ANKRD54: variants seen among roughly 807,000 people sequenced by gnomAD.
The protein encoded by ANKRD54 is ankyrin repeat domain-containing protein 54.
Under a neutral mutation model 36.2 loss-of-function variants are expected in ANKRD54, and 26 were observed. The observed-to-expected ratio is 0.72, with a 90% CI of 0.53 to 1.00. The LOEUF (loss-of-function observed/expected upper bound fraction) is 1.00, where lower values mean the gene tolerates loss of function less well. ANKRD54 is among the 50% of genes least tolerant of loss of function. The pLI is 0.00. For synonymous variants in ANKRD54, 209 were observed against 188.4 expected (o/e 1.11, Z -0.89); for missense variants, 384 against 424.3 (o/e 0.91, Z 0.83).
In ANKRD54 at chr22:37,844,004, G is replaced by C. The variant is rs1174431117; in HGVS notation, c.235C>G (p.Arg79Gly). ...GGTATCTTGCAGCGCAGCTCGTCGC[G>C]CGGCTCCGCATCCTGCTGCCACAGG... ...HVLWQQDAEP[R>G]DELRCKIPAG... Residue 79 changes from arginine to glycine, a missense_variant, in exon 1 of 8, where the codon CGC becomes GGC. Arg to Gly is a moderately radical substitution (Grantham distance 125, BLOSUM62 -2). Transcript: ENST00000215941. 2.1e-6 allele frequency: 3 copies of C among 1,425,556 alleles called. No individual in the cohort carries two copies. The South Asian group carries it at 4.2e-5, about 20-fold the overall frequency. 88.3% of individuals were successfully genotyped at this position (1,425,556 alleles called of 1,614,324 possible).
intron 1 of ANKRD54, among the ~76,000 whole-genome samples, chr22:37,842,879 A>G (rs1924452300): frequency 6.6e-6 from 1 of 152,250 alleles, no homozygotes; most frequent in African/African-American, 2.4e-5. Context: ...TAGATATACC[A>G]GAGGAGAAGT....
chr22:37,838,388 AT>A (rs1923801566), intron 3 of ANKRD54, 111 bp downstream of exon 3: 1 of 1,051,288 alleles, frequency 9.5e-7, no homozygotes. Flanking sequence ...TCTTCCTTAT[AT>A]CCAGAACAAC....
chr22:37,844,319 G>A lies in ANKRD54; in HGVS notation c.-81C>T. On this transcript the variant is annotated 5_prime_UTR_variant, in exon 1 of 8. In the 5' UTR this introduces an upstream ATG that the reference lacks. Coordinates refer to ENST00000215941, the MANE Select transcript of ANKRD54 (RefSeq NM_138797.4). The stretch of plus-strand genomic sequence containing the variant: ...GACCTACTTCCCTCCGCCCTGAGTC[G>A]TGCTGTCAGCGAGCTGGCGGGCGGG... 1 of 1,446,660 alleles carries A rather than the reference G, an allele frequency of 6.9e-7. No homozygotes were observed. The highest frequency in any genetic ancestry group is 9.2e-7 in the Non-Finnish European group (1 of 1,088,984). 89.6% of individuals were successfully genotyped at this position (1,446,660 alleles called of 1,614,324 possible).
rs774823983 is a variant in ANKRD54 at position 37,833,715 on chromosome 22, T to G, written c.516A>C (p.Arg172=). 68 of 1,614,050 alleles carry G rather than the reference T, an allele frequency of 4.2e-5. No homozygotes were observed. The Admixed American group carries it at 1.1e-3, about 27-fold the overall frequency. Reference sequence around the variant, plus strand: ...GCAGTGGCGTGTTCCCCAGCCCATCTCGCTGGTTAGGATCAGCACCATGGT... The same window carrying G: ...GCAGTGGCGTGTTCCCCAGCCCATCGCGCTGGTTAGGATCAGCACCATGGT... ...LLDHGADPNQ[R]DGLGNTPLHL... is the part of the protein sequence containing the mutation. The change falls in exon 4 of 8, where the codon CGA becomes CGC. Residue 172 remains arginine, a synonymous_variant. Coordinates refer to ENST00000215941, the MANE Select transcript of ANKRD54 (RefSeq NM_138797.4).
In ANKRD54 at chr22:37,832,657, T is replaced by C. The variant is rs1923031907; in HGVS notation, c.808A>G (p.Met270Val). ...CTCACCTGCTCTTTGGTACTGGTCA[T>C]CTGCAGGCGGGTGCAGAGGTCATCC... ...RLDDLCTRLQ[M>V]TSTKEQVDEV... The change falls in exon 7 of 8, where the codon ATG becomes GTG. Residue 270 changes from methionine (M) to valine (V), a missense_variant. Coordinates refer to ENST00000215941, the MANE Select transcript of ANKRD54 (RefSeq NM_138797.4). The C allele has an allele frequency of 1.9e-6, 3 of 1,614,112 alleles. No individual in the cohort carries two copies. Among genetic ancestry groups the C allele is most frequent in the South Asian group, 2.2e-5 (2 of 91,082 alleles).
At chr22:37,833,121 G>C in intron 5 of ANKRD54, 38 bp downstream of exon 5, 3 of 1,614,050 alleles carry the variant, frequency 1.9e-6, no homozygotes, top group Non-Finnish European at 2.5e-6. Context: ...TGGGGGTGAG[G>C]GGGAGAAAGA....
chr22:37,841,877 AAATAAATAAATAAAT>A (rs147106763), intron 1 of ANKRD54, among the ~76,000 whole-genome samples: 87,135 of 141,504 alleles, frequency 0.62, 26,156 homozygotes, highest in East Asian at 0.85. Flanking sequence ...ATAAATAAAT[AAATAAATAAATAAAT>A]AAATAAAATA....
chr22:37,841,570 C>T (rs1183044219), intron 1 of ANKRD54, among the ~76,000 whole-genome samples: 1 of 150,708 alleles, frequency 6.6e-6, no homozygotes, highest in Non-Finnish European at 1.5e-5. Flanking sequence ...AAAACATAGG[C>T]CGGGCACAGT....
upstream of ANKRD54, among the ~76,000 whole-genome samples, chr22:37,846,638 T>A (rs1377449321): frequency 6.6e-6 from 1 of 152,080 alleles, no homozygotes; most frequent in Admixed American, 6.6e-5. Flanking sequence ...TCTCACTATA[T>A]TGCCCAGGCT....
intron 2 of ANKRD54, 44 bp from the exon 3 acceptor site, chr22:37,838,642 A>T (rs370560557): frequency 9.5e-5 from 149 of 1,570,778 alleles, no homozygotes; most frequent in Non-Finnish European, 1.6e-5. Context: ...GAAAGCGGCG[A>T]TGTTAGCTAA....
intron 1 of ANKRD54, among the ~76,000 whole-genome samples, chr22:37,841,117 C>G (rs573633773): frequency 6.7e-6 from 1 of 149,282 alleles, no homozygotes; most frequent in African/African-American, 2.5e-5. Context: ...AATGGCTGGG[C>G]GCAGTGGCTC....
At chr22:37,839,163 C>T (rs1173135923) in intron 2 of ANKRD54, among the ~76,000 whole-genome samples, 5 of 152,044 alleles carry the variant, frequency 3.3e-5, no homozygotes. Context: ...GCGTGAGCCA[C>T]CACACCCGGC....
At chr22:37,843,310 C>T (rs902110284) in intron 1 of ANKRD54, among the ~76,000 whole-genome samples, 2 of 152,128 alleles carry the variant, frequency 1.3e-5, no homozygotes, top group African/African-American at 4.8e-5. Context: ...GTAACCCCAG[C>T]TACTCGGGAG....
Position 37,831,580 on chromosome 22 carries a change from C to T in ANKRD54, c.*363G>A, listed in dbSNP as rs550373063. 7.3e-5 allele frequency: 18 copies of T among 247,516 alleles called. No individual in the cohort carries two copies. The highest frequency in any genetic ancestry group is 4.3e-4 in the Admixed American group (9 of 20,970). The allele number at this position is 247,516 out of a possible 1,614,324, so 15.3% of individuals were successfully genotyped here. On this transcript the variant is annotated 3_prime_UTR_variant, in exon 8 of 8. Transcript: ENST00000215941. ...GACTGCAACAAGCCCATGGCCAGGA[C>T]GGAACACAGAGAAGGGTCTGAGGCC... is the stretch of plus-strand genomic sequence containing the variant.
upstream of ANKRD54, among the ~76,000 whole-genome samples, chr22:37,846,074 C>A (rs1924826884): frequency 6.6e-6 from 1 of 151,690 alleles, no homozygotes; most frequent in Admixed American, 6.6e-5. Flanking sequence ...ACTCAGGAGG[C>A]TGAGGCAGGA....
At chr22:37,832,285 A>G (rs1922981274) in intron 7 of ANKRD54, among the ~76,000 whole-genome samples, 1 of 151,352 alleles carries the variant, frequency 6.6e-6, no homozygotes, top group South Asian at 2.1e-4. Flanking sequence ...CAACCCCACA[A>G]TCATAGGCTC....
upstream of ANKRD54, chr22:37,844,352 C>T: frequency 1.6e-6 from 2 of 1,247,026 alleles, no homozygotes; most frequent in Middle Eastern, 2.0e-4. Flanking sequence ...GGGCAGGGCC[C>T]GCAACCACGG....
chr22:37,844,834 C>T (rs11704487), upstream of ANKRD54, among the ~76,000 whole-genome samples: 1 of 152,022 alleles, frequency 6.6e-6, no homozygotes, highest in Non-Finnish European at 1.5e-5. Flanking sequence ...TCCCAAAGTG[C>T]TGGGATTACA....
intron 4 of ANKRD54, 58 bp downstream of exon 4, chr22:37,833,626 T>C (rs189518592): frequency 6.3e-7 from 1 of 1,591,956 alleles, no homozygotes; most frequent in African/African-American, 1.3e-5. Context: ...ACCCTCTTCA[T>C]CTAAAGAGCC....
Sources: allele counts gnomAD v4.1 joint callset (sites outside exome capture counted in the v4.1 genomes callset), GRCh38; gene constraint gnomAD v4.1.1; transcripts MANE v1.5; gene names NCBI Gene and HGNC (gene_info 2026-07-23, HGNC 2026-07-21).